Variants in FILIP1L observed in about 807,000 individuals in gnomAD.
FILIP1L encodes the protein filamin A-interacting protein 1-like.
Under a neutral mutation model 96.6 loss-of-function variants are expected in FILIP1L, and 55 were observed. The observed-to-expected ratio is 0.57, with a 90% CI of 0.46 to 0.71. The LOEUF is 0.71. FILIP1L is among the 30% of genes least tolerant of loss of function. The probability of loss-of-function intolerance (pLI) is 0.00; values close to 1 mark genes in which losing one functional copy is unlikely to be tolerated. For synonymous variants in FILIP1L, 467 were observed against 473.9 expected (o/e 0.99, Z 0.19); for missense variants, 1,304 against 1,321.2 (o/e 0.99, Z 0.20).
chr3:99,884,559 G>A (rs1234244381), intron 4 of FILIP1L, among the ~76,000 whole-genome samples: 1 of 152,180 alleles, frequency 6.6e-6, no homozygotes, highest in African/African-American at 2.4e-5. Flanking sequence ...TGCTGTCTCT[G>A]ATGTCTCAAA....
At chr3:99,914,711 A>T (rs762678627) in intron 4 of FILIP1L, among the ~76,000 whole-genome samples, 1 of 152,268 alleles carries the variant, frequency 6.6e-6, no homozygotes, top group Non-Finnish European at 1.5e-5. Context: ...AATTTCACAT[A>T]TAAGAATTCT....
intron 4 of FILIP1L, among the ~76,000 whole-genome samples, chr3:99,906,369 A>T (rs1318755053): frequency 6.6e-6 from 1 of 152,084 alleles, no homozygotes; most frequent in African/African-American, 2.4e-5. Context: ...TTGGGTTGTC[A>T]GTCTTATTTT....
At chr3:100,029,382 GTCT>G (rs1307701118) in intron 1 of FILIP1L, among the ~76,000 whole-genome samples, 1 of 151,972 alleles carries the variant, frequency 6.6e-6, no homozygotes, top group Non-Finnish European at 1.5e-5. Context: ...CCTAGGCACA[GTCT>G]TCTTAATTGT....
At chr3:100,038,690 G>A (rs1311600397) in intron 1 of FILIP1L, among the ~76,000 whole-genome samples, 2 of 152,070 alleles carry the variant, frequency 1.3e-5, no homozygotes, top group African/African-American at 2.4e-5. Flanking sequence ...TAAAGGACAC[G>A]ATCTCAGTCC....
intron 1 of FILIP1L, among the ~76,000 whole-genome samples, chr3:100,036,207 C>A (rs932455911): frequency 1.1e-4 from 16 of 152,138 alleles, no homozygotes; most frequent in African/African-American, 3.9e-4. Flanking sequence ...TCAATGACAC[C>A]TTGTAGCAAT....
In FILIP1L at chr3:99,984,120, A is replaced by T. The variant is rs545358582; in HGVS notation, c.-10-53090T>A. ...AGAATATCAGGTGCTCAGGTATGAAATAATTGATCCATAGTTCTGGAAGTC... is the reference window on the plus strand; with the variant it reads ...AGAATATCAGGTGCTCAGGTATGAATTAATTGATCCATAGTTCTGGAAGTC... On this transcript the variant is annotated intron_variant, in intron 1 of 5. Coordinates refer to ENST00000477258, the MANE Select transcript of FILIP1L (RefSeq NM_001387850.1). Among the ~76,000 whole-genome samples the T allele has an allele frequency of 2.0e-5, 3 of 151,786 alleles. No individual in the cohort carries two copies. The South Asian group carries it at 6.3e-4, about 32-fold the overall frequency.
Position 99,950,705 on chromosome 3 carries a change from C to T in FILIP1L, c.-10-19675G>A, listed in dbSNP as rs114325547. On this transcript the variant is annotated intron_variant, in intron 1 of 5. Coordinates refer to ENST00000477258, the MANE Select transcript of FILIP1L (RefSeq NM_001387850.1). Reference sequence around the variant, plus strand: ...GAGGCAGCCCACGATTCTCTTTACACGTTTCATATATTCAGAAAAAGCTGT... The same window carrying T: ...GAGGCAGCCCACGATTCTCTTTACATGTTTCATATATTCAGAAAAAGCTGT... Among the ~76,000 whole-genome samples, 380 of 152,278 alleles carry T rather than the reference C, an allele frequency of 2.5e-3. 4 individuals are homozygous for T. The highest frequency in any genetic ancestry group is 8.7e-3 in the African/African-American group (363 of 41,556).
chr3:99,885,282 T>C (rs1421729602), intron 4 of FILIP1L, among the ~76,000 whole-genome samples: 1 of 152,220 alleles, frequency 6.6e-6, no homozygotes, highest in Non-Finnish European at 1.5e-5. Flanking sequence ...TGTAGGGCTA[T>C]TTCATGGGGA....
At chr3:99,920,203 T>C (rs1707081621) in intron 4 of FILIP1L, among the ~76,000 whole-genome samples, 2 of 152,188 alleles carry the variant, frequency 1.3e-5, no homozygotes, top group Non-Finnish European at 2.9e-5. Context: ...ATGGATAGCA[T>C]ACATAGTTTG....
intron 1 of FILIP1L, among the ~76,000 whole-genome samples, chr3:100,058,084 T>C (rs1182461393): frequency 6.6e-6 from 1 of 152,218 alleles, no homozygotes; most frequent in Non-Finnish European, 1.5e-5. Flanking sequence ...ATTTTCTTTT[T>C]GCAGTTGAGG....
In FILIP1L at chr3:99,927,372, GT is replaced by G. The variant is rs202105318; in HGVS notation, c.426+2483del. On this transcript the variant is annotated intron_variant, in intron 3 of 5. Coordinates refer to ENST00000477258, the MANE Select transcript of FILIP1L (RefSeq NM_001387850.1). ...CAAAATGTTGTTATATTTTCTTTCT[GT>G]TTTTTTTTTTTTTGAGACGGAGTTT... Among the ~76,000 whole-genome samples, 416 of 141,414 alleles carry G rather than the reference GT, an allele frequency of 2.9e-3. 3 individuals are homozygous for G. The highest frequency in any genetic ancestry group is 7.2e-3 in the East Asian group (35 of 4,864). 92.8% of individuals were successfully genotyped at this position (141,414 alleles called of 152,430 possible). A position where few individuals can be genotyped will look rare whatever the true frequency, so the allele number is the denominator to read the frequency against.
chr3:100,053,451 G>A (rs2065407447), intron 1 of FILIP1L, among the ~76,000 whole-genome samples: 1 of 152,122 alleles, frequency 6.6e-6, no homozygotes, highest in Non-Finnish European at 1.5e-5. Context: ...TCTTTACATA[G>A]TTGTCTTCCC....
intron 1 of FILIP1L, among the ~76,000 whole-genome samples, chr3:99,959,570 T>C (rs1708433654): frequency 6.6e-6 from 1 of 152,246 alleles, no homozygotes; most frequent in Non-Finnish European, 1.5e-5. Context: ...TTTCTGAGCC[T>C]TAGTTTTCCA....
intron 1 of FILIP1L, among the ~76,000 whole-genome samples, chr3:100,003,244 A>G (rs1229949911): frequency 6.6e-6 from 1 of 152,216 alleles, no homozygotes; most frequent in African/African-American, 2.4e-5. Context: ...TGGAGAAAAT[A>G]AAAGAATGTT....
Position 100,066,517 on chromosome 3 carries a change from C to CTTTTT in FILIP1L, c.-11+47531_-11+47535dup, listed in dbSNP as rs545356638. ...AAGGATGATGTGGAAGGCTTTGCTT[C>CTTTTT]TTTTTTTTTTTTTTTTTTTTTTTTT... On this transcript the variant is annotated intron_variant, in intron 1 of 5. Transcript: ENST00000477258. Among the ~76,000 whole-genome samples the CTTTTT allele has an allele frequency of 1.0e-3, 39 of 38,326 alleles. 3 individuals carry two copies. Among genetic ancestry groups the CTTTTT allele is most frequent in the African/African-American group, 2.6e-3 (23 of 8,824 alleles). The allele number at this position is 38,326 out of a possible 152,430, so 25.1% of individuals were successfully genotyped here.
intron 1 of FILIP1L, among the ~76,000 whole-genome samples, chr3:100,029,610 A>G (rs1326866976): frequency 2.6e-5 from 4 of 152,190 alleles, no homozygotes; most frequent in Admixed American, 1.3e-4. Flanking sequence ...AAATAGTCTA[A>G]TCACTAAAAT....
chr3:100,103,838 T>C (rs1380152391), intron 1 of FILIP1L, among the ~76,000 whole-genome samples: 1 of 152,074 alleles, frequency 6.6e-6, no homozygotes, highest in Non-Finnish European at 1.5e-5. Flanking sequence ...AAGAAAAGAG[T>C]CTATGCCCTG....
At chr3:99,872,033 C>T (rs917747116) in intron 4 of FILIP1L, among the ~76,000 whole-genome samples, 3 of 152,012 alleles carry the variant, frequency 2.0e-5, no homozygotes, top group African/African-American at 7.3e-5. Flanking sequence ...ACCTACAGTA[C>T]TGAGGCTTTT....
intron 5 of FILIP1L, among the ~76,000 whole-genome samples, chr3:99,837,679 C>T (rs568308903): frequency 8.9e-4 from 136 of 152,298 alleles, no homozygotes; most frequent in South Asian, 2.7e-3. Flanking sequence ...CAACACTTCT[C>T]CTTCTGACCT....
Sources: gnomAD v4.1 joint callset for allele counts (sites outside exome capture counted in the v4.1 genomes callset) on GRCh38, gnomAD v4.1.1 for gene constraint, MANE v1.5 for transcripts, NCBI Gene and HGNC (gene_info 2026-07-23, HGNC 2026-07-21) for gene names.